Variants in PUDP observed in about 807,000 individuals in gnomAD.
PUDP encodes pseudouridine 5'-phosphatase.
A neutral mutation model predicts 9.4 loss-of-function variants in PUDP; 8 were observed. The ratio of observed to expected loss-of-function variants is 0.85; its 90% CI spans 0.50 to 1.53. The LOEUF (loss-of-function observed/expected upper bound fraction) is 1.53. Among genes scored for constraint, PUDP ranks in the 40% most tolerant of loss-of-function variants. PUDP has a pLI of 0.00. For synonymous variants in PUDP, 99 were observed against 80.7 expected (o/e 1.23, Z -1.22); for missense variants, 188 against 189.7 (o/e 0.99, Z 0.05).
chrX:7,027,272 C>T (rs1442467593), intron 1 of PUDP, among the ~76,000 whole-genome samples: 1 of 110,899 alleles, frequency 9.0e-6, no homozygotes, highest in Admixed American at 9.7e-5. Context: ...ACCGTGGCCA[C>T]GAGCCAACAC....
At chrX:6,731,739 GGGAAGGAA>G (rs200530719) in intron 3 of PUDP, among the ~76,000 whole-genome samples, 1 of 89,542 alleles carries the variant, frequency 1.1e-5, no homozygotes, top group African/African-American at 4.6e-5. Flanking sequence ...AAAAGAAGGA[GGGAAGGAA>G]GGAAGGGAGG....
chrX:6,713,178 T>A (rs1924554212), intron 1 of PUDP, among the ~76,000 whole-genome samples: 1 of 112,490 alleles, frequency 8.9e-6, no homozygotes, highest in Non-Finnish European at 1.9e-5. Context: ...CAATGGCAAG[T>A]CCATGGAGAT....
chrX:7,104,299 CA>C (rs780018460), intron 2 of PUDP, among the ~76,000 whole-genome samples: 6 of 111,318 alleles, frequency 5.4e-5, no homozygotes, highest in Non-Finnish European at 1.1e-4. Context: ...ATAAACCAAT[CA>C]AAAAAAGATA....
chrX:6,983,877 T>C (rs1479464476), intron 1 of PUDP, among the ~76,000 whole-genome samples: 3 of 112,569 alleles, frequency 2.7e-5, no homozygotes, highest in African/African-American at 9.7e-5. Context: ...AAGTAACCAA[T>C]GGAATTGTCT....
At chrX:6,791,354 A>C (rs1176081864) in intron 3 of PUDP, among the ~76,000 whole-genome samples, 1 of 110,104 alleles carries the variant, frequency 9.1e-6, no homozygotes, top group Non-Finnish European at 1.9e-5. Flanking sequence ...AGAAAAGAAA[A>C]ATAATATATA....
At chrX:7,079,357 A>T (rs930753806) in intron 2 of PUDP, among the ~76,000 whole-genome samples, 8 of 112,623 alleles carry the variant, frequency 7.1e-5, no homozygotes, top group Non-Finnish European at 1.5e-4. Context: ...GAATGGAGAA[A>T]CACAAACGTA....
chrX:6,747,703 G>A (rs997749320), intron 3 of PUDP, among the ~76,000 whole-genome samples: 1 of 111,852 alleles, frequency 8.9e-6, no homozygotes, highest in Admixed American at 9.5e-5. Context: ...ATTCAAAATC[G>A]CAAAGCACCA....
chrX:7,147,581 G>A (rs1406268465), intron 1 of PUDP, among the ~76,000 whole-genome samples: 1 of 112,459 alleles, frequency 8.9e-6, no homozygotes, highest in East Asian at 2.8e-4. Flanking sequence ...TGCGCCCACA[G>A]CAGCAACCTT....
chrX:6,864,366 G>A (rs1602650753), intron 3 of PUDP, among the ~76,000 whole-genome samples: 1 of 112,039 alleles, frequency 8.9e-6, no homozygotes, highest in South Asian at 3.7e-4. Context: ...GAGTGTAGAA[G>A]GTACTTCAAT....
intron 3 of PUDP, among the ~76,000 whole-genome samples, chrX:6,961,597 C>T (rs1051325037): frequency 2.9e-4 from 32 of 111,440 alleles, no homozygotes; most frequent in African/African-American, 1.0e-3. Flanking sequence ...ATGTGTTAAG[C>T]ATTTACAAGG....
At chrX:7,083,938 C>T (rs1931189146) in intron 2 of PUDP, among the ~76,000 whole-genome samples, 1 of 110,926 alleles carries the variant, frequency 9.0e-6, no homozygotes, top group Non-Finnish European at 1.9e-5. Context: ...AGAAATACGT[C>T]GTGATTTTTA....
intron 3 of PUDP, among the ~76,000 whole-genome samples, chrX:6,799,320 A>G (rs1055053360): frequency 4.5e-5 from 5 of 112,087 alleles, no homozygotes; most frequent in Non-Finnish European, 9.4e-5. Flanking sequence ...TTTTTCACTG[A>G]AAAACTTAAG....
At chrX:6,883,846 G>A (rs1231848662) in intron 3 of PUDP, among the ~76,000 whole-genome samples, 1 of 110,451 alleles carries the variant, frequency 9.1e-6, no homozygotes, top group Non-Finnish European at 1.9e-5. Context: ...TCTTTTTTTT[G>A]TTTGTTTTTT....
chrX:6,819,947 C>G (rs1926311580), intron 3 of PUDP, among the ~76,000 whole-genome samples: 1 of 110,167 alleles, frequency 9.1e-6, no homozygotes, highest in Non-Finnish European at 1.9e-5. Context: ...TAACAGATAT[C>G]CACAAATCTA....
intron 1 of PUDP, among the ~76,000 whole-genome samples, chrX:7,123,257 AT>A (rs2038374390): frequency 8.9e-6 from 1 of 112,435 alleles, no homozygotes; most frequent in African/African-American, 3.2e-5. Flanking sequence ...CAAACAAGGT[AT>A]AAACATGTAA....
At chrX:6,727,916 A>C (rs893299578) in intron 3 of PUDP, among the ~76,000 whole-genome samples, 4 of 112,005 alleles carry the variant, frequency 3.6e-5, no homozygotes, top group African/African-American at 1.3e-4. Context: ...GCCAAGTCTC[A>C]ATCAGGAGGT....
In PUDP at chrX:6,859,509, T is replaced by C. The variant is rs151058455; in HGVS notation, c.*247+117624A>G. Among the ~76,000 whole-genome samples, 25 of 106,534 alleles carry C rather than the reference T, an allele frequency of 2.3e-4. 1 individual carries two copies. The East Asian group carries it at 9.9e-3, about 42-fold the overall frequency. 92.5% of individuals were successfully genotyped at this position (106,534 alleles called of 115,157 possible). On this transcript the variant is annotated intron_variant and NMD_transcript_variant, in intron 3 of 3. Transcript: ENST00000655425. ...TTGAAAGGCCACAAGAATAGGATTA[T>C]GGGAAGGGCTTGTACTGTGCTAAGA...
intron 1 of PUDP, among the ~76,000 whole-genome samples, chrX:7,133,316 G>A (rs760056688): frequency 9.0e-5 from 10 of 111,630 alleles, no homozygotes; most frequent in South Asian, 7.6e-4. Flanking sequence ...AGCATGTGCC[G>A]AAGCCATGAG....
intron 1 of PUDP, among the ~76,000 whole-genome samples, chrX:7,107,987 C>T (rs1931934969): frequency 8.9e-6 from 1 of 112,475 alleles, no homozygotes; most frequent in Admixed American, 9.3e-5. Context: ...GTAGGGCCAC[C>T]TGTGCTTTGT....
Sources: allele counts gnomAD v4.1 joint callset (sites outside exome capture counted in the v4.1 genomes callset), GRCh38; gene constraint gnomAD v4.1.1; transcripts MANE v1.5; gene names NCBI Gene and HGNC (gene_info 2026-07-23, HGNC 2026-07-21).